The following FBXW7 variants were observed in gnomAD, a reference collection of about 807,000 sequenced individuals.
The protein encoded by FBXW7 is F-box and WD repeat domain containing 7.
A neutral mutation model predicts 86.3 loss-of-function variants in FBXW7; 11 were observed. The observed-to-expected ratio is 0.13, with a 90% CI of 0.08 to 0.21. FBXW7 has a LOEUF of 0.21. Ranked by LOEUF, FBXW7 falls within the 10% of genes least tolerant of loss-of-function variation. The pLI, the probability that FBXW7 is intolerant of heterozygous loss-of-function variation, is 1.00. For synonymous variants in FBXW7, 313 were observed against 297.9 expected (o/e 1.05, Z -0.52); for missense variants, 488 against 847.4 (o/e 0.58, Z 5.27).
At chr4:152,457,643 C>CAAAAAAAAAAAAAAAAA (rs769232533) in intron 2 of FBXW7, among the ~76,000 whole-genome samples, 1 of 57,462 alleles carries the variant, frequency 1.7e-5, no homozygotes, top group African/African-American at 6.5e-5. Flanking sequence ...GACTCTGTCT[C>CAAAAAAAAAAAAAAAAA]AAAAAAAAAA....
At chr4:152,429,485 G>A (rs1193731736) in intron 2 of FBXW7, among the ~76,000 whole-genome samples, 3 of 151,910 alleles carry the variant, frequency 2.0e-5, no homozygotes, top group Non-Finnish European at 4.4e-5. Flanking sequence ...TCTCAACAAG[G>A]GTCTTTTTAT....
At chr4:152,334,052 T>TCAACAACAACAA (rs573332703) in intron 7 of FBXW7, among the ~76,000 whole-genome samples, 1 of 151,434 alleles carries the variant, frequency 6.6e-6, no homozygotes, top group African/African-American at 2.4e-5. Flanking sequence ...AGATTCTGTC[T>TCAACAACAACAA]CAACAACAAC....
intron 2 of FBXW7, among the ~76,000 whole-genome samples, chr4:152,440,079 T>C (rs183299375): frequency 2.0e-5 from 3 of 152,284 alleles, no homozygotes; most frequent in East Asian, 1.9e-4. Flanking sequence ...GAGTGAGATA[T>C]TCAAAATGAG....
chr4:152,515,181 T>C (rs1748362886), intron 2 of FBXW7, among the ~76,000 whole-genome samples: 1 of 152,086 alleles, frequency 6.6e-6, no homozygotes, highest in South Asian at 2.1e-4. Flanking sequence ...ATAAAGAAAC[T>C]AGGATTTCTC....
At chr4:152,362,728 TGAGGCAGAGAATTGCTCAAACCCGG>T (rs1560806407) in intron 4 of FBXW7, among the ~76,000 whole-genome samples, 1 of 149,242 alleles carries the variant, frequency 6.7e-6, no homozygotes, top group Non-Finnish European at 1.5e-5. Context: ...CTTGGGAGGC[TGAGGCAGAGAATTGCTCAAACCCGG>T]GAGGCAGAGG....
At chr4:152,528,447 T>C (rs1749725108) in intron 2 of FBXW7, among the ~76,000 whole-genome samples, 2 of 152,352 alleles carry the variant, frequency 1.3e-5, no homozygotes, top group South Asian at 2.1e-4. Context: ...CTGGCTCTCA[T>C]ATTTTCTTCT....
chr4:152,389,146 A>C (rs1401900730), intron 4 of FBXW7, among the ~76,000 whole-genome samples: 1 of 152,122 alleles, frequency 6.6e-6, no homozygotes, highest in Non-Finnish European at 1.5e-5. Context: ...GATGTTGGCG[A>C]GGATGTGGAG....
At position 152,388,909 on chromosome 4, in the gene FBXW7, T is replaced by C. The variant is rs533880198; in HGVS notation, c.501+22394A>G. On this transcript the variant is annotated intron_variant, in intron 4 of 13. Coordinates refer to ENST00000281708, the MANE Select transcript of FBXW7 (RefSeq NM_001349798.2). ...CTATGCTTCTAACAGGGGGCTGATATGCAGAATTGACAGGCAACTCAACAA... is the reference window on the plus strand; with the variant it reads ...CTATGCTTCTAACAGGGGGCTGATACGCAGAATTGACAGGCAACTCAACAA... Among the ~76,000 whole-genome samples the C allele has an allele frequency of 2.0e-5, 3 of 152,244 alleles. No homozygotes were observed. In the South Asian group the frequency reaches 6.2e-4, roughly 32 times the overall value.
chr4:152,323,640 C>A (rs1728742017), intron 13 of FBXW7: 2 of 172,716 alleles, frequency 1.2e-5, no homozygotes, highest in Non-Finnish European at 2.5e-5. Flanking sequence ...TTTCTAAGGG[C>A]TATAACAAAT....
chr4:152,445,910 T>TAAAAAAAAAAAA (rs11457603), intron 2 of FBXW7, among the ~76,000 whole-genome samples: 2 of 100,640 alleles, frequency 2.0e-5, no homozygotes, highest in African/African-American at 3.0e-5. Flanking sequence ...ACTCTGTCTT[T>TAAAAAAAAAAAA]AAAAAAAAAA....
chr4:152,508,663 AAAAGAAAAAAAAAAC>A (rs1390392407), intron 2 of FBXW7, among the ~76,000 whole-genome samples: 1 of 151,846 alleles, frequency 6.6e-6, no homozygotes, highest in African/African-American at 2.4e-5. Flanking sequence ...GCAAAAAAAA[AAAAGAAAAAAAAAAC>A]AGCAAGGAAG....
rs574057972 is a variant in FBXW7 at position 152,490,218 on chromosome 4, C to T, written c.-120+44723G>A. The stretch of plus-strand genomic sequence containing the variant: ...TTAATGGGTATCAAGTTTTTATTTG[C>T]GATGATGAAAAACTTCTGGAAATGG... On this transcript the variant is annotated intron_variant, in intron 2 of 13. Transcript: ENST00000281708. Among the ~76,000 whole-genome samples, 61 of 151,754 alleles carry T rather than the reference C, an allele frequency of 4.0e-4. 1 individual carries two copies. Among genetic ancestry groups the T allele is most frequent in the East Asian group, 3.9e-4 (2 of 5,164 alleles).
At chr4:152,497,106 C>T (rs1212651507) in intron 2 of FBXW7, among the ~76,000 whole-genome samples, 5 of 151,970 alleles carry the variant, frequency 3.3e-5, no homozygotes, top group Non-Finnish European at 5.9e-5. Flanking sequence ...GCAGATCACC[C>T]GAGGTCAGGA....
intron 2 of FBXW7, among the ~76,000 whole-genome samples, chr4:152,527,607 G>C (rs1262433323): frequency 1.3e-5 from 2 of 151,838 alleles, no homozygotes; most frequent in Non-Finnish European, 2.9e-5. Flanking sequence ...TGTCTTTACA[G>C]AATTTTTTTT....
chr4:152,451,953 G>C (rs927315654), intron 2 of FBXW7, among the ~76,000 whole-genome samples: 3 of 151,944 alleles, frequency 2.0e-5, no homozygotes, highest in Non-Finnish European at 4.4e-5. Flanking sequence ...CACTTACATG[G>C]AGTTTCTAAG....
chr4:152,473,510 G>A (rs923177277), intron 2 of FBXW7, among the ~76,000 whole-genome samples: 4 of 152,072 alleles, frequency 2.6e-5, no homozygotes, highest in African/African-American at 9.7e-5. Context: ...TAAAAGATGA[G>A]GTCTTACTCT....
chr4:152,353,015 C>G, intron 4 of FBXW7: 1 of 1,220,550 alleles, frequency 8.2e-7, no homozygotes, highest in East Asian at 3.3e-5. Flanking sequence ...CCCCACACGA[C>G]AGCCCCCTCT....
At chr4:152,408,950 G>A (rs1371316813) in intron 4 of FBXW7, among the ~76,000 whole-genome samples, 2 of 152,076 alleles carry the variant, frequency 1.3e-5, no homozygotes, top group Admixed American at 6.6e-5. Context: ...AGACAACATG[G>A]AATTTTTAAC....
intron 2 of FBXW7, among the ~76,000 whole-genome samples, chr4:152,460,061 A>C (rs574297810): frequency 6.6e-6 from 1 of 152,258 alleles, no homozygotes; most frequent in Non-Finnish European, 1.5e-5. Flanking sequence ...TGGAAAAAGT[A>C]GTAATGAACG....
Sources: gnomAD v4.1 joint callset for allele counts (sites outside exome capture counted in the v4.1 genomes callset) on GRCh38, gnomAD v4.1.1 for gene constraint, MANE v1.5 for transcripts, NCBI Gene and HGNC (gene_info 2026-07-23, HGNC 2026-07-21) for gene names.